Variants in PDE5A observed in about 807,000 individuals in gnomAD.
The protein encoded by PDE5A is cGMP-specific 3',5'-cyclic phosphodiesterase.
PDE5A carries 67 observed loss-of-function variants against 110.2 expected under a neutral mutation model. The observed-to-expected ratio is 0.61, with a 90% CI of 0.50 to 0.75. PDE5A has a LOEUF of 0.75. Among genes scored for constraint, PDE5A ranks in the 30% least tolerant of loss-of-function variants. The pLI, the probability that PDE5A is intolerant of heterozygous loss-of-function variation, is 0.00. For missense variants in PDE5A, 862 were observed against 1,045.1 expected (o/e 0.82, Z 2.42); for synonymous variants, 328 against 351.2 (o/e 0.93, Z 0.74).
rs148257385 is a variant in PDE5A at position 119,541,392 on chromosome 4, T to A, written c.1572+1067A>T. On this transcript the variant is annotated intron_variant, in intron 10 of 20. Transcript: ENST00000354960. ...AAAGCTATTTGAACACATATGTACATGTGTATATGCACCTAATTGAAACTA... is the reference window on the plus strand; with the variant it reads ...AAAGCTATTTGAACACATATGTACAAGTGTATATGCACCTAATTGAAACTA... Among the ~76,000 whole-genome samples the A allele has an allele frequency of 1.2e-3, 185 of 151,880 alleles. 1 individual carries two copies. The highest frequency in any genetic ancestry group is 1.5e-3 in the Non-Finnish European group (101 of 67,916).
At chr4:119,552,270 C>T (rs1007034152) in intron 9 of PDE5A, among the ~76,000 whole-genome samples, 3 of 152,234 alleles carry the variant, frequency 2.0e-5, no homozygotes, top group Non-Finnish European at 4.4e-5. Flanking sequence ...ACATTATCTA[C>T]TTAATATCTC....
Position 119,521,033 on chromosome 4 carries a change from T to G in PDE5A, c.1807A>C (p.Lys603Gln), listed in dbSNP as rs1210694532. 1 of 1,612,710 alleles carries G rather than the reference T, an allele frequency of 6.2e-7. No homozygotes were observed. Among genetic ancestry groups the G allele is most frequent in the South Asian group, 1.1e-5 (1 of 90,998 alleles). The change falls in exon 13 of 21, where the codon AAG (lysine) becomes CAG (glutamine). Residue 603 changes from lysine to glutamine, a missense_variant. Physicochemically the swap from Lys to Gln is moderately conservative, Grantham distance 53. Transcript: ENST00000354960. ...EVLCRWILSV[K>Q]KNYRKNVAYH... ...GCAACATTCTTCCGATAATTCTTCT[T>G]AACACTTAAAATCCATCTGCAAAGA...
chr4:119,511,779 G>C lies in PDE5A; in HGVS notation c.2001-645C>G, dbSNP rs77676780. On this transcript the variant is annotated intron_variant, in intron 14 of 20. Coordinates refer to ENST00000354960, the MANE Select transcript of PDE5A (RefSeq NM_001083.4). The stretch of plus-strand genomic sequence containing the variant: ...CTGCTAGTTCTGCTAATTGAACTTG[G>C]TGAAGCAGTAGAGACCCTTTGGCTG... Among the ~76,000 whole-genome samples the C allele has an allele frequency of 7.0e-3, 1,061 of 152,200 alleles. 14 individuals are homozygous for C. Among genetic ancestry groups the C allele is most frequent in the African/African-American group, 0.024 (994 of 41,542 alleles).
intron 4 of PDE5A, among the ~76,000 whole-genome samples, chr4:119,566,751 C>G (rs1727948924): frequency 6.6e-6 from 1 of 152,178 alleles, no homozygotes; most frequent in South Asian, 2.1e-4. Flanking sequence ...AAGGTTGGAT[C>G]TCTATAGCAG....
chr4:119,526,658 T>C (rs1216589052), intron 11 of PDE5A, among the ~76,000 whole-genome samples: 1 of 152,160 alleles, frequency 6.6e-6, no homozygotes, highest in Non-Finnish European at 1.5e-5. Flanking sequence ...ATAGCACTAC[T>C]TTGCTTTTGG....
intron 12 of PDE5A, among the ~76,000 whole-genome samples, chr4:119,523,209 A>G (rs746638170): frequency 6.6e-6 from 1 of 152,052 alleles, no homozygotes; most frequent in Non-Finnish European, 1.5e-5. Flanking sequence ...TTATTCAGGG[A>G]GGAATGAGAT....
At position 119,589,482 on chromosome 4, in the gene PDE5A, G is replaced by A. The variant is rs1229759977; in HGVS notation, c.831+7041C>T. Among the ~76,000 whole-genome samples, 3 of 146,070 alleles carry A rather than the reference G, an allele frequency of 2.1e-5. No homozygotes were observed. In the South Asian group the frequency reaches 6.6e-4, roughly 32 times the overall value. On this transcript the variant is annotated intron_variant, in intron 3 of 20. Transcript: ENST00000354960. ...TGTAATTCTTTACTAAACAAAAAAAGAATTCTGTCTGGTTATAGAAATAAT... is the reference window on the plus strand; with the variant it reads ...TGTAATTCTTTACTAAACAAAAAAAAAATTCTGTCTGGTTATAGAAATAAT...
chr4:119,553,448 A>G (rs567315647), intron 8 of PDE5A, among the ~76,000 whole-genome samples, 190 bp downstream of exon 8: 61 of 152,282 alleles, frequency 4.0e-4, no homozygotes, highest in African/African-American at 1.3e-3. Flanking sequence ...AAGTACAAAG[A>G]AAAATGTCCA....
intron 9 of PDE5A, among the ~76,000 whole-genome samples, chr4:119,550,686 G>A (rs1038587480): frequency 6.6e-6 from 1 of 152,156 alleles, no homozygotes; most frequent in Non-Finnish European, 1.5e-5. Flanking sequence ...CTGCCACTCT[G>A]CCTTCCTTCC....
intron 9 of PDE5A, among the ~76,000 whole-genome samples, chr4:119,547,600 T>C (rs1431909978): frequency 6.6e-6 from 1 of 152,022 alleles, no homozygotes; most frequent in African/African-American, 2.4e-5. Context: ...CCTCTGAGTA[T>C]AGCTTTGACC....
At position 119,505,895 on chromosome 4, in the gene PDE5A, G is replaced by C; in HGVS notation, c.2227C>G (p.Gln743Glu). ...TGATGAGGATCTTCCAAATTGAATTGATTTTTTCTTATAAGTTCAAAAAAT... is the reference window on the plus strand; with the variant it reads ...TGATGAGGATCTTCCAAATTGAATTCATTTTTTCTTATAAGTTCAAAAAAT... Reference protein sequence around the residue: ...GEFFELIRKNQFNLEDPHQKE... With the variant: ...GEFFELIRKNEFNLEDPHQKE... The change falls in exon 17 of 21, where the codon CAA (glutamine) becomes GAA (glutamate). Residue 743 changes from glutamine (Q) to glutamate (E), a missense_variant. By Grantham distance (29) the Gln-to-Glu change is conservative. Coordinates refer to ENST00000354960, the MANE Select transcript of PDE5A (RefSeq NM_001083.4). 6.4e-7 allele frequency: 1 copy of C among 1,568,726 alleles called. No individual in the cohort carries two copies. Among genetic ancestry groups the C allele is most frequent in the Non-Finnish European group, 8.6e-7 (1 of 1,159,832 alleles).
chr4:119,619,006 A>G (rs543867581), intron 1 of PDE5A, among the ~76,000 whole-genome samples: 188 of 152,278 alleles, frequency 1.2e-3, no homozygotes, highest in Non-Finnish European at 2.1e-3. Flanking sequence ...CTAAAATGCC[A>G]TCCTCTTTTC....
At chr4:119,619,815 CAG>C (rs535323241) in intron 1 of PDE5A, among the ~76,000 whole-genome samples, 124 of 152,252 alleles carry the variant, frequency 8.1e-4, no homozygotes, top group African/African-American at 2.9e-3. Flanking sequence ...CTCCATTTTA[CAG>C]AGAGAGTAAA....
chr4:119,535,607 G>A (rs1188792622), intron 11 of PDE5A, among the ~76,000 whole-genome samples: 1 of 152,010 alleles, frequency 6.6e-6, no homozygotes, highest in Non-Finnish European at 1.5e-5. Context: ...TTGCAACTAA[G>A]GATCATTAAA....
At chr4:119,617,310 G>C (rs970704300) in intron 1 of PDE5A, among the ~76,000 whole-genome samples, 1 of 152,082 alleles carries the variant, frequency 6.6e-6, no homozygotes, top group Non-Finnish European at 1.5e-5. Flanking sequence ...AAAACTTGTT[G>C]ACAGGATGCA....
At chr4:119,605,802 A>C (rs1328270366) in intron 2 of PDE5A, among the ~76,000 whole-genome samples, 1 of 152,204 alleles carries the variant, frequency 6.6e-6, no homozygotes, top group Non-Finnish European at 1.5e-5. Context: ...AATATTTACT[A>C]AGCCCTATGT....
At chr4:119,556,766 G>C (rs1207795892) in intron 7 of PDE5A, among the ~76,000 whole-genome samples, 1 of 152,076 alleles carries the variant, frequency 6.6e-6, no homozygotes, top group Non-Finnish European at 1.5e-5. Context: ...AGTATTCCAG[G>C]CAGGAAAAAA....
intron 11 of PDE5A, among the ~76,000 whole-genome samples, chr4:119,529,472 G>A (rs1726455596): frequency 6.6e-6 from 1 of 152,162 alleles, no homozygotes; most frequent in South Asian, 2.1e-4. Flanking sequence ...TTTCGGCAAT[G>A]AGGCAAACTT....
intron 4 of PDE5A, among the ~76,000 whole-genome samples, chr4:119,566,305 C>A (rs529440007): frequency 6.6e-6 from 1 of 152,128 alleles, no homozygotes; most frequent in Admixed American, 6.6e-5. Flanking sequence ...CTTGTTTGAA[C>A]GTCTTCCAAA....
Sources: gnomAD v4.1 joint callset for allele counts (sites outside exome capture counted in the v4.1 genomes callset) on GRCh38, gnomAD v4.1.1 for gene constraint, MANE v1.5 for transcripts, NCBI Gene and HGNC (gene_info 2026-07-23, HGNC 2026-07-21) for gene names.